Variants in DUSP11 observed in about 807,000 individuals in gnomAD.
The protein encoded by DUSP11 is RNA/RNP complex-1-interacting phosphatase.
A neutral mutation model predicts 41.4 loss-of-function variants in DUSP11; 27 were observed. The observed-to-expected ratio is 0.65, with a 90% CI of 0.48 to 0.90. DUSP11 has a LOEUF of 0.90. Among genes scored for constraint, DUSP11 ranks in the 40% least tolerant of loss-of-function variants. The pLI is 0.00. For missense variants in DUSP11, 465 were observed against 461.1 expected (o/e 1.01, Z -0.08); for synonymous variants, 188 against 159.3 (o/e 1.18, Z -1.35).
At chr2:73,769,717 G>GGA (rs1448499311) in intron 4 of DUSP11, among the ~76,000 whole-genome samples, 1 of 152,206 alleles carries the variant, frequency 6.6e-6, no homozygotes, top group Non-Finnish European at 1.5e-5. Flanking sequence ...TGAATATTAA[G>GGA]GACAGTTTCC....
exon 4 of DUSP11, chr2:73,773,890 A>T (rs776842921): frequency 6.2e-7 from 1 of 1,604,058 alleles, no homozygotes; most frequent in South Asian, 1.1e-5. Flanking sequence ...CCAACTGTAA[A>T]AATTTTTAAG....
At chr2:73,769,981 TA>T (rs1219444313) in intron 4 of DUSP11, among the ~76,000 whole-genome samples, 4 of 151,946 alleles carry the variant, frequency 2.6e-5, no homozygotes, top group Admixed American at 2.0e-4. Flanking sequence ...AGGAATTAAA[TA>T]AAAAAAAGTG....
At chr2:73,771,216 G>C (rs1297239290) in intron 4 of DUSP11, among the ~76,000 whole-genome samples, 1 of 152,150 alleles carries the variant, frequency 6.6e-6, no homozygotes, top group Non-Finnish European at 1.5e-5. Context: ...TTCTAGAAAA[G>C]TGACTTCAAC....
chr2:73,779,787 G>A, intron 1 of DUSP11, 87 bp downstream of exon 1: 2 of 1,566,336 alleles, frequency 1.3e-6, no homozygotes, highest in South Asian at 2.3e-5. Flanking sequence ...CGATGGCAAC[G>A]GCGAGAGGCA....
At chr2:73,770,197 AAAAAGAAAGAAAG>A (rs1361534376) in intron 4 of DUSP11, among the ~76,000 whole-genome samples, 2 of 151,642 alleles carry the variant, frequency 1.3e-5, no homozygotes, top group Non-Finnish European at 2.9e-5. Context: ...CAAAAAAAAA[AAAAAGAAAGAAAG>A]AAAAGAAAAA....
At chr2:73,762,680 C>G in exon 9 of DUSP11, 1 of 1,612,518 alleles carries the variant, frequency 6.2e-7, no homozygotes, top group Non-Finnish European at 8.5e-7. Context: ...CCATTCCCAA[C>G]AGGCTGGATA....
intron 5 of DUSP11, chr2:73,768,325 A>G: frequency 2.8e-6 from 1 of 350,950 alleles, no homozygotes; most frequent in South Asian, 1.2e-4. Context: ...TGATTCTTTA[A>G]TATCTACTCC....
chr2:73,779,800 G>T, intron 1 of DUSP11, 74 bp downstream of exon 1: 2 of 1,589,278 alleles, frequency 1.3e-6, no homozygotes, highest in South Asian at 2.2e-5. Context: ...GAGAGGCAGA[G>T]ACCACAAACG....
chr2:73,766,649 T>C (rs1347838434), intron 7 of DUSP11, 55 bp from the exon 8 acceptor site: 19 of 1,530,050 alleles, frequency 1.2e-5, no homozygotes, highest in Admixed American at 7.8e-5. Flanking sequence ...TAGTAGTCAA[T>C]TTAGTGACTA....
At chr2:73,771,849 C>T (rs1213363062) in intron 4 of DUSP11, among the ~76,000 whole-genome samples, 7 of 141,386 alleles carry the variant, frequency 5.0e-5, no homozygotes, top group Non-Finnish European at 1.1e-4. Context: ...GAGACAGGGT[C>T]TTGCTCTGTC....
chr2:73,764,471 A>G (rs1274453204), intron 8 of DUSP11, among the ~76,000 whole-genome samples: 2 of 152,152 alleles, frequency 1.3e-5, no homozygotes. Flanking sequence ...ACAACGTGCT[A>G]AACTGTTTAA....
chr2:73,780,052 ACCC>A (rs770125241), exon 1 of DUSP11: 34 of 1,611,674 alleles, frequency 2.1e-5, no homozygotes, highest in Non-Finnish European at 2.7e-5. Context: ...CCAGGATAAG[ACCC>A]TAAACAGGAA....
intron 1 of DUSP11, chr2:73,779,611 A>C (rs370357000): frequency 1.8e-6 from 1 of 555,720 alleles, no homozygotes. Context: ...TAACAGTCCC[A>C]CCTTAAAGCA....
At chr2:73,762,790 G>C in exon 9 of DUSP11, 1 of 1,613,324 alleles carries the variant, frequency 6.2e-7, no homozygotes, top group Non-Finnish European at 8.5e-7. Context: ...TGTGTGAATA[G>C]TCCTCTCCAG....
intron 2 of DUSP11, among the ~76,000 whole-genome samples, chr2:73,775,713 G>T (rs536570676): frequency 1.5e-4 from 22 of 151,298 alleles, no homozygotes; most frequent in African/African-American, 5.1e-4. Flanking sequence ...AAATTAGCCA[G>T]GGGTGGTGGC....
chr2:73,774,068 C>A, intron 3 of DUSP11, 145 bp from the exon 4 acceptor site: 1 of 559,806 alleles, frequency 1.8e-6, no homozygotes, highest in Non-Finnish European at 2.8e-6. Flanking sequence ...GATAAAAGAG[C>A]CATTTTTTCC....
intron 8 of DUSP11, among the ~76,000 whole-genome samples, 187 bp from the exon 9 acceptor site, chr2:73,763,046 T>A (rs1173288562): frequency 6.6e-6 from 1 of 152,194 alleles, no homozygotes; most frequent in Non-Finnish European, 1.5e-5. Context: ...CTAAGTTCTT[T>A]ATAAAATGGG....
intron 5 of DUSP11, chr2:73,769,052 T>C (rs1040942399): frequency 1.0e-5 from 5 of 480,944 alleles, no homozygotes; most frequent in Non-Finnish European, 1.1e-5. Flanking sequence ...CTAACTATTA[T>C]ACCATTCAAT....
At chr2:73,772,464 A>G (rs1441531957) in intron 4 of DUSP11, among the ~76,000 whole-genome samples, 1 of 152,216 alleles carries the variant, frequency 6.6e-6, no homozygotes, top group African/African-American at 2.4e-5. Flanking sequence ...GAAGACCAAC[A>G]TGGAGTTCAG....
Sources: gnomAD v4.1 joint callset for allele counts (sites outside exome capture counted in the v4.1 genomes callset) on GRCh38, gnomAD v4.1.1 for gene constraint, MANE v1.5 for transcripts, NCBI Gene and HGNC (gene_info 2026-07-23, HGNC 2026-07-21) for gene names.